The following MEMO1 variants were observed in gnomAD, a reference collection of about 807,000 sequenced individuals.
The protein encoded by MEMO1 is mediator of cell motility 1.
MEMO1 carries 6 observed loss-of-function variants against 45.2 expected under a neutral mutation model. That is an observed-to-expected ratio of 0.13 (90% CI 0.07 to 0.26). MEMO1 has a LOEUF of 0.26. Ranked by LOEUF, MEMO1 falls within the 10% of genes least tolerant of loss-of-function variation. MEMO1 has a pLI of 1.00. For synonymous variants in MEMO1, 78 were observed against 124.3 expected, an observed-to-expected ratio of 0.63 and a Z score of 2.48; for missense variants, 184 against 370.5, an observed-to-expected ratio of 0.50 and a Z score of 4.13.
intron 7 of MEMO1, among the ~76,000 whole-genome samples, chr2:31,885,275 A>G (rs1676021904): frequency 6.6e-6 from 1 of 152,172 alleles, no homozygotes; most frequent in Non-Finnish European, 1.5e-5. Context: ...ATGTGCCACC[A>G]CATCCAGCTA....
At chr2:31,915,116 A>G (rs1382329044) in intron 6 of MEMO1, among the ~76,000 whole-genome samples, 1 of 152,012 alleles carries the variant, frequency 6.6e-6, no homozygotes, top group Non-Finnish European at 1.5e-5. Flanking sequence ...TGGGCAACAG[A>G]GCTGAGACTC....
At chr2:31,916,812 A>T (rs1328928841) in intron 6 of MEMO1, among the ~76,000 whole-genome samples, 1 of 152,218 alleles carries the variant, frequency 6.6e-6, no homozygotes, top group African/African-American at 2.4e-5. Context: ...AAGCAGACAA[A>T]AGATTGAGAA....
At chr2:31,906,388 A>G (rs1397187425) in intron 6 of MEMO1, among the ~76,000 whole-genome samples, 3 of 151,748 alleles carry the variant, frequency 2.0e-5, no homozygotes, top group African/African-American at 7.3e-5. Flanking sequence ...CAATGGCGCA[A>G]TCTTGGCTCA....
intron 6 of MEMO1, among the ~76,000 whole-genome samples, chr2:31,895,392 A>G (rs980069745): frequency 3.3e-5 from 5 of 152,242 alleles, no homozygotes; most frequent in Admixed American, 3.3e-4. Flanking sequence ...TTATGATGAT[A>G]TAACTAAATA....
intron 5 of MEMO1, among the ~76,000 whole-genome samples, chr2:31,920,305 A>T (rs1251799078): frequency 6.6e-6 from 1 of 152,180 alleles, no homozygotes; most frequent in African/African-American, 2.4e-5. Flanking sequence ...AGGCATGTTT[A>T]AAAATAAAAT....
At chr2:32,005,169 A>G (rs929874613) in intron 2 of MEMO1, among the ~76,000 whole-genome samples, 10 of 152,106 alleles carry the variant, frequency 6.6e-5, no homozygotes, top group African/African-American at 2.2e-4. Context: ...CAAAAGCTCA[A>G]AGGAGCCAGG....
At chr2:31,884,266 TTATGGGG>T (rs1406208400) in intron 7 of MEMO1, among the ~76,000 whole-genome samples, 1 of 152,164 alleles carries the variant, frequency 6.6e-6, no homozygotes, top group Non-Finnish European at 1.5e-5. Context: ...TCTTAACTAA[TTATGGGG>T]AGTATTACTC....
intron 2 of MEMO1, among the ~76,000 whole-genome samples, chr2:31,957,118 G>T (rs1667495260): frequency 6.7e-6 from 1 of 148,512 alleles, no homozygotes; most frequent in Non-Finnish European, 1.5e-5. Flanking sequence ...CTCCAGCCTG[G>T]TCAACGAAAG....
Position 31,938,111 on chromosome 2 carries a change from G to A in MEMO1, c.143+5191C>T, listed in dbSNP as rs563830115. Among the ~76,000 whole-genome samples, 165 of 152,116 alleles carry A rather than the reference G, an allele frequency of 1.1e-3. 1 individual carries two copies. Among genetic ancestry groups the A allele is most frequent in the African/African-American group, 3.9e-3 (162 of 41,494 alleles). ...TTAATTTCTTTTAAATCCTCCAAAC[G>A]TGCCTGCCTTATGTCACACAGATTA... On this transcript the variant is annotated intron_variant, in intron 3 of 9. Transcript: ENST00000404530.
chr2:31,915,102 A>G (rs1036512283), intron 6 of MEMO1, among the ~76,000 whole-genome samples: 1 of 152,074 alleles, frequency 6.6e-6, no homozygotes, highest in African/African-American at 2.4e-5. Context: ...ACTGCACTCC[A>G]GCCTGGGCAA....
At chr2:31,998,295 G>T (rs1035531110) in intron 2 of MEMO1, among the ~76,000 whole-genome samples, 1 of 152,254 alleles carries the variant, frequency 6.6e-6, no homozygotes, top group African/African-American at 2.4e-5. Flanking sequence ...TTACAGGCAT[G>T]AGCCACCAAG....
At chr2:32,002,166 A>ATATATAT (rs1410101593) in intron 2 of MEMO1, among the ~76,000 whole-genome samples, 2 of 109,922 alleles carry the variant, frequency 1.8e-5, no homozygotes, top group African/African-American at 8.2e-5. Flanking sequence ...AAAAAAAAAA[A>ATATATAT]AAATATATAT....
intron 2 of MEMO1, among the ~76,000 whole-genome samples, chr2:32,003,874 A>T (rs1673713682): frequency 6.6e-6 from 1 of 152,214 alleles, no homozygotes; most frequent in Non-Finnish European, 1.5e-5. Flanking sequence ...CAACAAAGTG[A>T]GACACCATCT....
intron 6 of MEMO1, among the ~76,000 whole-genome samples, chr2:31,908,117 A>G (rs933926000): frequency 3.9e-5 from 6 of 152,194 alleles, no homozygotes; most frequent in Admixed American, 3.9e-4. Flanking sequence ...GGGTCATTCA[A>G]TAATTCATTT....
At chr2:32,009,171 C>CT (rs1265964934) in intron 2 of MEMO1, among the ~76,000 whole-genome samples, 3 of 152,174 alleles carry the variant, frequency 2.0e-5, no homozygotes, top group Non-Finnish European at 4.4e-5. Context: ...GTCTAAAATG[C>CT]TTTTAGACAG....
chr2:31,916,364 G>A (rs1681446583), intron 6 of MEMO1, among the ~76,000 whole-genome samples: 2 of 151,964 alleles, frequency 1.3e-5, no homozygotes, highest in African/African-American at 4.8e-5. Context: ...AAGTAGCTGG[G>A]ACAACAAGCA....
At chr2:32,006,751 G>A (rs1352935454) in intron 2 of MEMO1, among the ~76,000 whole-genome samples, 1 of 152,056 alleles carries the variant, frequency 6.6e-6, no homozygotes, top group Non-Finnish European at 1.5e-5. Flanking sequence ...CAGATCACGA[G>A]GTCAGGAGTT....
chr2:32,003,922 G>A (rs867147096), intron 2 of MEMO1, among the ~76,000 whole-genome samples: 8 of 152,098 alleles, frequency 5.3e-5, no homozygotes, highest in East Asian at 1.9e-4. Flanking sequence ...GGATGATGGC[G>A]CACATCTGTA....
chr2:31,935,592 A>G (rs1664817816), intron 3 of MEMO1, among the ~76,000 whole-genome samples: 1 of 152,188 alleles, frequency 6.6e-6, no homozygotes, highest in Admixed American at 6.5e-5. Flanking sequence ...TCTTTACCCC[A>G]CCACAAAGAA....
Sources: allele counts gnomAD v4.1 joint callset (sites outside exome capture counted in the v4.1 genomes callset), GRCh38; gene constraint gnomAD v4.1.1; transcripts MANE v1.5; gene names NCBI Gene and HGNC (gene_info 2026-07-23, HGNC 2026-07-21).